SYTL2: variants seen among roughly 807,000 people sequenced by gnomAD.
SYTL2 encodes the protein synaptotagmin like 2.
Under a neutral mutation model 198.7 loss-of-function variants are expected in SYTL2, and 165 were observed. The ratio of observed to expected loss-of-function variants is 0.83; its 90% CI spans 0.73 to 0.94. The LOEUF (loss-of-function observed/expected upper bound fraction) is 0.94. Among genes scored for constraint, SYTL2 ranks in the 40% least tolerant of loss-of-function variants. The probability of loss-of-function intolerance (pLI) is 0.00; values close to 1 mark genes in which losing one functional copy is unlikely to be tolerated. For missense variants in SYTL2, 2,835 were observed against 2,582.8 expected (o/e 1.10, Z -2.12); for synonymous variants, 966 against 917.7 (o/e 1.05, Z -0.95).
At chr11:85,711,026 G>GGA in intron 13 of SYTL2, 87 bp downstream of exon 13, 1 of 1,398,014 alleles carries the variant, frequency 7.2e-7, no homozygotes, top group Non-Finnish European at 9.7e-7. Flanking sequence ...AAATACAGGA[G>GGA]GAGGCTGTTT....
At chr11:85,730,005 A>C (rs191836812) in intron 7 of SYTL2, among the ~76,000 whole-genome samples, 448 of 152,314 alleles carry the variant, frequency 2.9e-3, no homozygotes, top group Middle Eastern at 6.8e-3. Context: ...GAAATGGATA[A>C]ATTCCTGGAC....
At position 85,734,115 on chromosome 11, in the gene SYTL2, C is replaced by CT; in HGVS notation, c.1213dup (p.Ser405LysfsTer2). 1 of 1,614,168 alleles carries CT rather than the reference C, an allele frequency of 6.2e-7. No individual in the cohort carries two copies. Among genetic ancestry groups the CT allele is most frequent in the South Asian group, 1.1e-5 (1 of 91,080 alleles). ...AGAAGTCATTGGCTGATGTGTTTCA[C>CT]TTTTTGATACATATGGGCTTGAGGT... On this transcript the variant is annotated frameshift_variant, in exon 7 of 20. Transcript: ENST00000359152. LOFTEE classifies it high-confidence loss of function.
chr11:85,791,190 A>G (rs982530809), intron 1 of SYTL2, among the ~76,000 whole-genome samples: 1 of 150,956 alleles, frequency 6.6e-6, no homozygotes, highest in Non-Finnish European at 1.5e-5. Context: ...AAAAAAAAAA[A>G]AAAAACAACC....
intron 1 of SYTL2, among the ~76,000 whole-genome samples, chr11:85,788,172 T>G (rs893252593): frequency 6.6e-6 from 1 of 152,190 alleles, no homozygotes; most frequent in Non-Finnish European, 1.5e-5. Flanking sequence ...TCAACTGCAT[T>G]TTGAACCCTA....
intron 7 of SYTL2, among the ~76,000 whole-genome samples, chr11:85,731,802 C>T (rs1175565282): frequency 2.6e-5 from 4 of 152,136 alleles, no homozygotes; most frequent in African/African-American, 4.8e-5. Flanking sequence ...AGGCAACCTA[C>T]AGAATGGGAG....
At chr11:85,837,278 T>C in the SYTL2 span, among the ~76,000 whole-genome samples, 1 of 152,184 alleles carries the variant, frequency 6.6e-6, no homozygotes, top group South Asian at 2.1e-4. Context: ...ATGAAGGGTA[T>C]AAGAGTGTGG....
chr11:85,784,986 C>T (rs529165310), intron 1 of SYTL2, among the ~76,000 whole-genome samples: 56 of 152,044 alleles, frequency 3.7e-4, no homozygotes, highest in Non-Finnish European at 7.2e-4. Flanking sequence ...GTATTTAATG[C>T]GGTATCTTCT....
chr11:85,787,695 C>CCTTTTTTTTTTTTT (rs1566023900), intron 1 of SYTL2, among the ~76,000 whole-genome samples: 2 of 102,694 alleles, frequency 1.9e-5, no homozygotes, highest in Non-Finnish European at 2.0e-5. Flanking sequence ...GTTTTTTTTT[C>CCTTTTTTTTTTTTT]TTTTCCTTTT....
At chr11:85,698,487 T>C (rs1327656509) in intron 17 of SYTL2, among the ~76,000 whole-genome samples, 1 of 152,138 alleles carries the variant, frequency 6.6e-6, no homozygotes, top group East Asian at 1.9e-4. Context: ...CATATTTGGG[T>C]ATAAAGTAAC....
the SYTL2 span, among the ~76,000 whole-genome samples, chr11:85,832,570 T>C: frequency 2.0e-5 from 3 of 152,268 alleles, no homozygotes; most frequent in Middle Eastern, 6.8e-3. Context: ...ATGAATGCTA[T>C]GAGAAGAAGT....
rs76711483 is a variant in SYTL2, at chr11:85,724,581, C to T, written c.4777G>A (p.Glu1593Lys). Reference protein sequence around the residue: ...PQVSVREETHEKESSQSEQTR... With the variant: ...PQVSVREETHKKESSQSEQTR... ...TGCTCTGACTGTGAGGACTCCTTCT[C>T]GTGAGTTTCTTCTCTCACTGACACC... The change falls in exon 8 of 20, where the codon GAG becomes AAG. Residue 1593 changes from glutamate (E) to lysine (K), a missense_variant. This residue lies in a region of SYTL2 where 2,645 missense variants were observed against 2,381.7 expected (regional missense o/e 1.11). Transcript: ENST00000359152. The T allele has an allele frequency of 1.1e-3, 1,741 of 1,613,124 alleles. 7 individuals carry two copies. The highest frequency in any genetic ancestry group is 1.3e-3 in the Non-Finnish European group (1,513 of 1,179,740).
intron 1 of SYTL2, among the ~76,000 whole-genome samples, chr11:85,771,550 T>G (rs888134676): frequency 5.3e-5 from 8 of 152,238 alleles, no homozygotes; most frequent in Non-Finnish European, 1.2e-4. Flanking sequence ...ATGCTGTGGA[T>G]TCTCCTTCAT....
At chr11:85,843,485 G>A in the SYTL2 span, among the ~76,000 whole-genome samples, 3 of 152,140 alleles carry the variant, frequency 2.0e-5, no homozygotes, top group Admixed American at 6.6e-5. Context: ...TGAGGAGGAG[G>A]GGCAAATTGG....
At chr11:85,833,088 AAAGAAAGAAAGAAGGAAGG>A in the SYTL2 span, among the ~76,000 whole-genome samples, 2 of 57,358 alleles carry the variant, frequency 3.5e-5, 1 homozygote, top group Non-Finnish European at 8.0e-5. Context: ...AGAAAGAAAG[AAAGAAAGAAAGAAGGAAGG>A]AAGGAAGGAA....
At chr11:85,801,204 C>T (rs1351090363) in intron 1 of SYTL2, among the ~76,000 whole-genome samples, 1 of 152,204 alleles carries the variant, frequency 6.6e-6, no homozygotes, top group African/African-American at 2.4e-5. Context: ...CTACAAAGCA[C>T]TAACCAAATT....
Position 85,757,325 on chromosome 11 carries a change from C to T in SYTL2, c.101+300G>A, listed in dbSNP as rs370232421. On this transcript the variant is annotated intron_variant, in intron 2 of 19. Transcript: ENST00000359152. ...TTAAGTGGATAGAAATACACACACA[C>T]ACACAAATGTAGATGTATGTGGTTG... Among the ~76,000 whole-genome samples the T allele has an allele frequency of 7.6e-4, 115 of 152,230 alleles. 4 individuals carry two copies. The South Asian group carries it at 0.022, about 30-fold the overall frequency.
At chr11:85,717,669 T>C in intron 10 of SYTL2, 139 bp from the exon 11 acceptor site, 1 of 742,920 alleles carries the variant, frequency 1.3e-6, no homozygotes, top group South Asian at 1.4e-5. Flanking sequence ...CTTTCATCCA[T>C]TCCTCACTGT....
chr11:85,728,003 A>G, intron 7 of SYTL2, 36 bp from the exon 8 acceptor site: 1 of 1,509,186 alleles, frequency 6.6e-7, no homozygotes, highest in South Asian at 1.3e-5. Flanking sequence ...ATAAGAAAAG[A>G]GCATGCTTAA....
intron 16 of SYTL2, among the ~76,000 whole-genome samples, chr11:85,704,655 C>T (rs1286086829): frequency 6.6e-6 from 1 of 152,086 alleles, no homozygotes; most frequent in Non-Finnish European, 1.5e-5. Context: ...TTTAAAAGAC[C>T]TTCCTGAAGT....
Sources: allele counts gnomAD v4.1 joint callset (sites outside exome capture counted in the v4.1 genomes callset), GRCh38; gene constraint gnomAD v4.1.1; regional missense constraint gnomAD v4.1.1; transcripts MANE v1.5; gene names NCBI Gene and HGNC (gene_info 2026-07-23, HGNC 2026-07-21).